The following MMP28 variants were observed in gnomAD, a reference collection of about 807,000 sequenced individuals.
The protein encoded by MMP28 is matrix metallopeptidase 28.
In MMP28, 55 loss-of-function variants were observed where a neutral mutation model predicts 60.5. That is an observed-to-expected ratio of 0.91 (90% CI 0.73 to 1.14). The LOEUF is 1.14. Ranked by LOEUF, MMP28 falls within the 50% of genes most tolerant of loss-of-function variation. The pLI, the probability that MMP28 is intolerant of heterozygous loss-of-function variation, is 0.00. For synonymous variants in MMP28, 318 were observed against 312.5 expected, an observed-to-expected ratio of 1.02 and a Z score of -0.18; for missense variants, 686 against 738.3, an observed-to-expected ratio of 0.93 and a Z score of 0.82.
At chr17:35,762,179 G>A (rs1254987349), downstream of MMP28, among the ~76,000 whole-genome samples, 4 of 151,930 alleles carry the variant, frequency 2.6e-5, no homozygotes, top group Admixed American at 6.6e-5. Flanking sequence ...TAGTAGAGAC[G>A]GGGTTTCTCC....
intron 1 of MMP28, among the ~76,000 whole-genome samples, chr17:35,793,188 C>T (rs551861279): frequency 1.3e-5 from 2 of 152,298 alleles, no homozygotes; most frequent in African/African-American, 4.8e-5. Context: ...AAATCCCCTT[C>T]CCCAAATTTA....
At position 35,795,542 on chromosome 17, in the gene MMP28, C is replaced by T. The variant is rs576335046; in HGVS notation, c.-165G>A. 2.9e-3 allele frequency: 1,234 copies of T among 427,642 alleles called. 10 individuals carry two copies. Among genetic ancestry groups the T allele is most frequent in the African/African-American group, 0.023 (1,118 of 48,928 alleles). 26.5% of individuals were successfully genotyped at this position (427,642 alleles called of 1,614,324 possible). ...CAGTGCCCTAGCTGCGCGCTCTGGG[C>T]CGCTCCTCCGCTGCCCTTCGCCGGG... On this transcript the variant is annotated 5_prime_UTR_variant, in exon 1 of 8. Coordinates refer to ENST00000605424, the MANE Select transcript of MMP28 (RefSeq NM_024302.5).
downstream of MMP28, chr17:35,764,682 TCTCTCTTGGAGCGCGGAG>T: frequency 6.7e-7 from 1 of 1,483,044 alleles, no homozygotes; most frequent in Non-Finnish European, 8.9e-7. Context: ...CTACCGACCT[TCTCTCTTGGAGCGCGGAG>T]CCCTCTTCGA....
In MMP28 at chr17:35,766,179, T is replaced by C. The variant is rs905303848; in HGVS notation, c.*321A>G. On this transcript the variant is annotated 3_prime_UTR_variant, in exon 8 of 8. Transcript: ENST00000605424. This position sits in a 1 kb window ranked among gnomAD's most constrained non-coding sequence, Gnocchi z 4.3. ...CTGCTTGGATCCCAGTGCTGTTACC[T>C]CTTGAAAGGAACTGTACCTTTAGCC... 1.1e-5 allele frequency: 12 copies of C among 1,118,444 alleles called. No individual in the cohort carries two copies. Among genetic ancestry groups the C allele is most frequent in the Non-Finnish European group, 1.3e-5 (12 of 914,454 alleles). The allele number at this position is 1,118,444 out of a possible 1,614,324, so 69.3% of individuals were successfully genotyped here.
At chr17:35,779,162 G>A (rs931865218) in intron 2 of MMP28, 82 bp downstream of exon 2, 29 of 1,566,886 alleles carry the variant, frequency 1.9e-5, no homozygotes, top group East Asian at 1.6e-4. Flanking sequence ...AGCCAGCCAG[G>A]CTTCCAGGAG....
At chr17:35,769,536 T>C (rs2086052795) in intron 5 of MMP28, among the ~76,000 whole-genome samples, 1 of 152,132 alleles carries the variant, frequency 6.6e-6, no homozygotes, top group East Asian at 1.9e-4. Flanking sequence ...CCCAGGGCAG[T>C]AGCACTGGCC....
chr17:35,771,696 AATATATATATATAT>A lies in MMP28; in HGVS notation c.605-1398_605-1385del, dbSNP rs71366482. ...GAAAATATACATACATATAGAAGTG[AATATATATATATAT>A]ATATATATATATATATATATATATA... On this transcript the variant is annotated intron_variant, in intron 4 of 7. Transcript: ENST00000605424. Among the ~76,000 whole-genome samples the A allele has an allele frequency of 8.3e-3, 420 of 50,510 alleles. 4 individuals carry two copies. The highest frequency in any genetic ancestry group is 0.016 in the African/African-American group (191 of 11,690). The allele number at this position is 50,510 out of a possible 152,430, so 33.1% of individuals were successfully genotyped here. A position where few individuals can be genotyped will look rare whatever the true frequency, so the allele number is the denominator to read the frequency against.
intron 6 of MMP28, 70 bp downstream of exon 6, chr17:35,768,160 C>T (rs1015329338): frequency 1.3e-5 from 20 of 1,512,954 alleles, no homozygotes; most frequent in African/African-American, 5.6e-5. Context: ...CCAACTTGTA[C>T]TGCAGCTCTG....
At chr17:35,764,581 C>T (rs781931043), downstream of MMP28, 28 of 1,594,588 alleles carry the variant, frequency 1.8e-5, no homozygotes, top group Admixed American at 3.4e-5. Flanking sequence ...CTGGATCACC[C>T]GGATCTGGGT....
intron 1 of MMP28, among the ~76,000 whole-genome samples, chr17:35,792,741 C>T (rs377715154): frequency 2.0e-5 from 3 of 152,158 alleles, no homozygotes; most frequent in African/African-American, 7.2e-5. Context: ...GACTTTAAGC[C>T]GAAGCTCAGT....
chr17:35,784,369 A>G (rs2086590000), intron 1 of MMP28, among the ~76,000 whole-genome samples: 1 of 152,042 alleles, frequency 6.6e-6, no homozygotes, highest in South Asian at 2.1e-4. Context: ...ACATGTGTAT[A>G]TTCAAAAAAA....
chr17:35,761,029 A>G, downstream of MMP28: 1 of 1,493,340 alleles, frequency 6.7e-7, no homozygotes, highest in South Asian at 1.3e-5. Context: ...CCAGCCCATC[A>G]CCATGAAGTC....
chr17:35,776,078 G>C (rs893273281), intron 3 of MMP28, among the ~76,000 whole-genome samples: 2 of 151,982 alleles, frequency 1.3e-5, no homozygotes, highest in Non-Finnish European at 2.9e-5. Context: ...GTTTCACCGT[G>C]TTAGCCAGGA....
chr17:35,764,154 C>T (rs1401559901), downstream of MMP28: 1 of 1,548,980 alleles, frequency 6.5e-7, no homozygotes, highest in East Asian at 2.4e-5. Context: ...GAGGAGCCGC[C>T]GCGGGTAGCG....
downstream of MMP28, among the ~76,000 whole-genome samples, chr17:35,761,552 T>G (rs2085821387): frequency 6.6e-6 from 1 of 152,172 alleles, no homozygotes; most frequent in Admixed American, 6.5e-5. Flanking sequence ...GTGCTGGGAT[T>G]ACAGGTGTGA....
downstream of MMP28, among the ~76,000 whole-genome samples, chr17:35,762,745 A>T (rs983924694): frequency 1.3e-5 from 2 of 152,112 alleles, no homozygotes; most frequent in African/African-American, 2.4e-5. Flanking sequence ...ACCAGCGGAG[A>T]TGCTGGGCTT....
Position 35,777,895 on chromosome 17 carries a change from G to C in MMP28, c.379+993C>G, listed in dbSNP as rs528641605. The stretch of plus-strand genomic sequence containing the variant: ...ATACAGAAATTAGCTGGGCGTGGTG[G>C]CATGTGCCTGTAGTCCCAGCTACTT... On this transcript the variant is annotated intron_variant, in intron 3 of 7. Coordinates refer to ENST00000605424, the MANE Select transcript of MMP28 (RefSeq NM_024302.5). 3.9e-5 allele frequency among the ~76,000 whole-genome samples: 6 copies of C among 152,358 alleles called. No individual in the cohort carries two copies. In the East Asian group the frequency reaches 1.2e-3, roughly 29 times the overall value.
chr17:35,762,354 C>T (rs2085837207), downstream of MMP28, among the ~76,000 whole-genome samples: 2 of 152,320 alleles, frequency 1.3e-5, no homozygotes, highest in Middle Eastern at 3.4e-3. Flanking sequence ...CCTTCCTCCC[C>T]TCTTTCCTTT....
rs542074507 is a variant in MMP28 at position 35,789,042 on chromosome 17, G to A, written c.111+6225C>T. Among the ~76,000 whole-genome samples, 14 of 152,268 alleles carry A rather than the reference G, an allele frequency of 9.2e-5. No homozygotes were observed. In the South Asian group the frequency reaches 2.9e-3, roughly 32 times the overall value. On this transcript the variant is annotated intron_variant, in intron 1 of 7. Transcript: ENST00000605424. ...CTAAGTTGCAACAATGAACTTGTTTGTTCACAACACAGCTTTGTAAGCACT... is the reference window on the plus strand; with the variant it reads ...CTAAGTTGCAACAATGAACTTGTTTATTCACAACACAGCTTTGTAAGCACT...
Sources: allele counts gnomAD v4.1 joint callset (sites outside exome capture counted in the v4.1 genomes callset), GRCh38; gene constraint gnomAD v4.1.1; non-coding constraint Gnocchi (gnomAD v3.1); transcripts MANE v1.5; gene names NCBI Gene and HGNC (gene_info 2026-07-23, HGNC 2026-07-21).